DCDC2C: variants seen among roughly 807,000 people sequenced by gnomAD.
DCDC2C encodes the protein doublecortin domain containing 2C.
In DCDC2C, 44 loss-of-function variants were observed where a neutral mutation model predicts 45.0. The ratio of observed to expected loss-of-function variants is 0.98; its 90% CI spans 0.77 to 1.26. The LOEUF (loss-of-function observed/expected upper bound fraction) is 1.26. Among genes scored for constraint, DCDC2C ranks in the 50% most tolerant of loss-of-function variants. The pLI is 0.00. For missense variants in DCDC2C, 447 were observed against 468.9 expected (o/e 0.95, Z 0.43); for synonymous variants, 187 against 178.8 (o/e 1.05, Z -0.37).
intron 10 of DCDC2C, among the ~76,000 whole-genome samples, chr2:3,842,290 C>A (rs755471085): frequency 4.0e-5 from 6 of 151,846 alleles, no homozygotes; most frequent in Admixed American, 6.6e-5. Context: ...TACTGGATAC[C>A]CTGGAAATAT....
intron 2 of DCDC2C, among the ~76,000 whole-genome samples, chr2:3,718,877 T>C (rs1668418554): frequency 6.6e-6 from 1 of 152,192 alleles, no homozygotes. Context: ...TGCTGACTGG[T>C]GCATTTTACA....
At chr2:3,772,353 C>T (rs1003574841) in intron 8 of DCDC2C, among the ~76,000 whole-genome samples, 4 of 152,188 alleles carry the variant, frequency 2.6e-5, no homozygotes, top group Admixed American at 1.3e-4. Flanking sequence ...GGATGTGGCC[C>T]GTCCTTGGCC....
intron 3 of DCDC2C, among the ~76,000 whole-genome samples, chr2:3,727,791 C>T (rs942517412): frequency 3.3e-5 from 5 of 152,196 alleles, no homozygotes; most frequent in African/African-American, 7.2e-5. Flanking sequence ...CCTGCTGCTT[C>T]GCTCTGAGGC....
chr2:3,829,104 C>T (rs888329406), intron 10 of DCDC2C, among the ~76,000 whole-genome samples: 6 of 152,122 alleles, frequency 3.9e-5, no homozygotes, highest in Non-Finnish European at 7.3e-5. Flanking sequence ...AACGCACGGT[C>T]ACGCTGCACA....
intron 6 of DCDC2C, among the ~76,000 whole-genome samples, chr2:3,762,424 T>C (rs1433609187): frequency 6.6e-6 from 1 of 152,112 alleles, no homozygotes; most frequent in Non-Finnish European, 1.5e-5. Context: ...TATAGGAGAC[T>C]AGGGAATTTA....
chr2:3,745,696 C>A (rs995501420), intron 4 of DCDC2C, among the ~76,000 whole-genome samples: 11 of 152,094 alleles, frequency 7.2e-5, no homozygotes, highest in Non-Finnish European at 1.2e-4. Context: ...TCCATCACAC[C>A]TTTTCCTTGT....
At chr2:3,840,817 C>T (rs13034091) in intron 10 of DCDC2C, among the ~76,000 whole-genome samples, 41,433 of 152,154 alleles carry the variant, frequency 0.27, 5,811 homozygotes, top group South Asian at 0.42. Flanking sequence ...GGTGGCCGCT[C>T]TGCGAGTTTC....
At chr2:3,810,363 A>G (rs1671364875) in intron 10 of DCDC2C, among the ~76,000 whole-genome samples, 1 of 152,140 alleles carries the variant, frequency 6.6e-6, no homozygotes, top group East Asian at 1.9e-4. Flanking sequence ...AACTTTTTTC[A>G]TGTATTTGTT....
At chr2:3,704,705 GGGGA>G (rs1226162760) in intron 1 of DCDC2C, among the ~76,000 whole-genome samples, 48 of 60,566 alleles carry the variant, frequency 7.9e-4, no homozygotes, top group African/African-American at 3.8e-3. Flanking sequence ...TGTAGGGGAG[GGGGA>G]GGGGGGAGGG....
At position 3,761,599 on chromosome 2, in the gene DCDC2C, A is replaced by G. The variant is rs539058954; in HGVS notation, c.727-6155A>G. Among the ~76,000 whole-genome samples the G allele has an allele frequency of 1.3e-5, 2 of 152,378 alleles. No individual in the cohort carries two copies. Among genetic ancestry groups the G allele is most frequent in the South Asian group, 4.1e-4 (2 of 4,828 alleles). On this transcript the variant is annotated intron_variant, in intron 6 of 10. Coordinates refer to ENST00000399143, the MANE Select transcript of DCDC2C (RefSeq NM_001287444.2). This position sits in a 1 kb window ranked among gnomAD's most constrained non-coding sequence, Gnocchi z 4.3. ...TTAGCAGCCTGAGGATGCAACAGCCAGGTTCAATGTTAGCAAATCTTCCAC... is the reference window on the plus strand; with the variant it reads ...TTAGCAGCCTGAGGATGCAACAGCCGGGTTCAATGTTAGCAAATCTTCCAC...
At chr2:3,833,067 C>T (rs1671989813) in intron 10 of DCDC2C, among the ~76,000 whole-genome samples, 1 of 152,218 alleles carries the variant, frequency 6.6e-6, no homozygotes, top group Non-Finnish European at 1.5e-5. Flanking sequence ...AGGCCATCCA[C>T]ATCCTTTGGC....
intron 2 of DCDC2C, among the ~76,000 whole-genome samples, chr2:3,716,581 G>T (rs1043732308): frequency 2.0e-5 from 3 of 152,128 alleles, no homozygotes; most frequent in African/African-American, 7.2e-5. Context: ...TAACTGGAGG[G>T]GGAAACAGAG....
intron 10 of DCDC2C, among the ~76,000 whole-genome samples, chr2:3,816,644 G>C (rs548373277): frequency 2.0e-5 from 3 of 152,298 alleles, no homozygotes; most frequent in African/African-American, 7.2e-5. Context: ...TAAAGAATAG[G>C]ACTTATCAGG....
At chr2:3,822,942 C>A (rs1671729460) in intron 10 of DCDC2C, among the ~76,000 whole-genome samples, 1 of 151,976 alleles carries the variant, frequency 6.6e-6, no homozygotes, top group African/African-American at 2.4e-5. Context: ...TGGGAGTTTC[C>A]CTGCACACAC....
Position 3,791,854 on chromosome 2 carries a change from G to T in DCDC2C, c.1065+6754G>T, listed in dbSNP as rs1439742645. Among the ~76,000 whole-genome samples the T allele has an allele frequency of 2.0e-5, 3 of 152,244 alleles. No individual in the cohort carries two copies. In the East Asian group the frequency reaches 5.8e-4, roughly 29 times the overall value. ...AGTACTCTCATGACACACCGCCACA[G>T]GGCATTCTGTGTCCCTCTGGTATAT... On this transcript the variant is annotated intron_variant, in intron 10 of 10. Transcript: ENST00000399143.
intron 8 of DCDC2C, among the ~76,000 whole-genome samples, chr2:3,771,442 A>G (rs1407369304): frequency 6.6e-6 from 1 of 152,218 alleles, no homozygotes; most frequent in East Asian, 1.9e-4. Flanking sequence ...GAAAATGCAC[A>G]CGTGGGAGGC....
chr2:3,760,598 T>C (rs967040695), intron 6 of DCDC2C, among the ~76,000 whole-genome samples: 1 of 152,092 alleles, frequency 6.6e-6, no homozygotes. Flanking sequence ...AAACACCACA[T>C]GTTCTCACTC....
At chr2:3,776,632 T>G (rs10195596) in intron 8 of DCDC2C, among the ~76,000 whole-genome samples, 51,181 of 152,132 alleles carry the variant, frequency 0.34, 8,736 homozygotes, top group South Asian at 0.45. Context: ...AGATGCTGGC[T>G]TTCAGCAAGG....
Position 3,767,862 on chromosome 2 carries a change from T to G in DCDC2C, c.835T>G (p.Leu279Val). The G allele has an allele frequency of 6.5e-7, 1 of 1,538,672 alleles. No individual in the cohort carries two copies. Among genetic ancestry groups the G allele is most frequent in the Non-Finnish European group, 8.8e-7 (1 of 1,142,712 alleles). ...AAAGAAGAAAACATTGGCAGAACCT[T>G]TAGTCCAAAGGGGTGCAGGTGACGT... ...EEKKKTLAEP[L>V]VQRGAEGDVY... Residue 279 changes from leucine to valine, a missense_variant, in exon 7 of 11, where the codon TTA (leucine) becomes GTA (valine). Transcript: ENST00000399143.
Sources: gnomAD v4.1 joint callset for allele counts (sites outside exome capture counted in the v4.1 genomes callset) on GRCh38, gnomAD v4.1.1 for gene constraint, Gnocchi (gnomAD v3.1) non-coding constraint, MANE v1.5 for transcripts, NCBI Gene and HGNC (gene_info 2026-07-23, HGNC 2026-07-21) for gene names.